Variants in ASTN2 observed in about 807,000 individuals in gnomAD.
ASTN2 encodes astrotactin 2.
In ASTN2, 54 loss-of-function variants were observed where a neutral mutation model predicts 139.8. The observed-to-expected ratio is 0.39, with a 90% CI of 0.31 to 0.48. The LOEUF (loss-of-function observed/expected upper bound fraction) is 0.48. ASTN2 is among the 20% of genes least tolerant of loss of function. The pLI is 0.95. For synonymous variants in ASTN2, 756 were observed against 719.5 expected (o/e 1.05, Z -0.81); for missense variants, 1,565 against 1,725.1 (o/e 0.91, Z 1.64).
chr9:117,070,090 G>A (rs1828072258), intron 5 of ASTN2, among the ~76,000 whole-genome samples: 1 of 147,090 alleles, frequency 6.8e-6, no homozygotes, highest in Non-Finnish European at 1.5e-5. Context: ...AGTTGATGCA[G>A]TTTCTTCCTA....
chr9:116,566,690 G>C (rs1030988536), intron 19 of ASTN2, among the ~76,000 whole-genome samples: 2 of 152,124 alleles, frequency 1.3e-5, no homozygotes, highest in Non-Finnish European at 1.5e-5. Context: ...TTTTAACCCT[G>C]CATCTGCACT....
chr9:116,708,357 T>C (rs1828049386), intron 16 of ASTN2, among the ~76,000 whole-genome samples: 1 of 152,220 alleles, frequency 6.6e-6, no homozygotes. Flanking sequence ...GTAAATACTT[T>C]TAATTCATAG....
intron 1 of ASTN2, among the ~76,000 whole-genome samples, chr9:117,413,017 A>G (rs540460104): frequency 1.3e-5 from 2 of 152,190 alleles, no homozygotes; most frequent in South Asian, 2.1e-4. Context: ...TCCCCGAGGA[A>G]CCTGCAGGAC....
At chr9:117,191,965 G>T (rs1255782382) in intron 3 of ASTN2, among the ~76,000 whole-genome samples, 1 of 152,184 alleles carries the variant, frequency 6.6e-6, no homozygotes, top group African/African-American at 2.4e-5. Flanking sequence ...GAGGGGAAGA[G>T]CAAATGTTCA....
intron 19 of ASTN2, among the ~76,000 whole-genome samples, chr9:116,535,874 C>G (rs574835661): frequency 2.0e-5 from 3 of 152,114 alleles, no homozygotes; most frequent in Non-Finnish European, 4.4e-5. Flanking sequence ...GTGGCTTTCT[C>G]TGTATTTCCT....
rs1837053314 is a variant in ASTN2, at chr9:116,997,273, A to G, written c.1591+10819T>C. On this transcript the variant is annotated intron_variant, in intron 7 of 22. Transcript: ENST00000313400. ...AGGCTCCCTGAAATTTTATGACCTC[A>G]TCCTAGACACAGATTGTCCTTTCTT... Among the ~76,000 whole-genome samples, 3 of 152,280 alleles carry G rather than the reference A, an allele frequency of 2.0e-5. No individual in the cohort carries two copies. In the East Asian group the frequency reaches 5.8e-4, roughly 29 times the overall value.
chr9:117,393,837 C>G (rs139982261), intron 1 of ASTN2, among the ~76,000 whole-genome samples: 5 of 151,808 alleles, frequency 3.3e-5, no homozygotes, highest in African/African-American at 9.7e-5. Flanking sequence ...TGGGCAGGCT[C>G]TGGTATGAAA....
chr9:116,803,504 ATATATATATATATATATATTTT>A (rs1830934642), intron 13 of ASTN2, among the ~76,000 whole-genome samples: 5 of 6,940 alleles, frequency 7.2e-4, no homozygotes, highest in African/African-American at 3.4e-3. Context: ...ATATATATAT[ATATATATATATATATATATTTT>A]TTTTTTTTTT....
chr9:117,330,893 G>A (rs528307233), intron 1 of ASTN2, among the ~76,000 whole-genome samples: 2 of 152,248 alleles, frequency 1.3e-5, no homozygotes, highest in African/African-American at 4.8e-5. Flanking sequence ...TCCATGGCTG[G>A]AATGAGGACA....
chr9:116,608,594 T>G (rs62576129), intron 19 of ASTN2, among the ~76,000 whole-genome samples: 22,187 of 150,200 alleles, frequency 0.15, 1,811 homozygotes, highest in Middle Eastern at 0.2. Context: ...TTGAACAAAA[T>G]ATTTTGAACA....
chr9:116,519,910 G>C (rs1351744590), intron 19 of ASTN2, among the ~76,000 whole-genome samples: 2 of 151,928 alleles, frequency 1.3e-5, no homozygotes, highest in Non-Finnish European at 2.9e-5. Flanking sequence ...ACCTAGAGGA[G>C]ATGGATAAAT....
At chr9:117,008,922 T>C (rs1164867458) in intron 6 of ASTN2, among the ~76,000 whole-genome samples, 1 of 152,060 alleles carries the variant, frequency 6.6e-6, no homozygotes, top group African/African-American at 2.4e-5. Flanking sequence ...CAGACTGAGA[T>C]AGAGAAAACG....
intron 7 of ASTN2, among the ~76,000 whole-genome samples, chr9:116,990,348 C>T (rs1285387111): frequency 2.5e-5 from 2 of 80,280 alleles, no homozygotes; most frequent in East Asian, 8.3e-4. Flanking sequence ...GCTCCTGCAA[C>T]CTCTGCCTCT....
intron 3 of ASTN2, among the ~76,000 whole-genome samples, chr9:117,204,815 C>G (rs10122703): frequency 1.3e-5 from 2 of 152,120 alleles, no homozygotes; most frequent in African/African-American, 4.8e-5. Flanking sequence ...GACAGCAATG[C>G]TCAATGAGTT....
At chr9:117,118,079 G>A (rs1296778027) in intron 4 of ASTN2, among the ~76,000 whole-genome samples, 4 of 152,222 alleles carry the variant, frequency 2.6e-5, no homozygotes, top group Admixed American at 6.5e-5. Flanking sequence ...GGAAAGCTCA[G>A]TAGCCGAGAC....
intron 2 of ASTN2, among the ~76,000 whole-genome samples, chr9:117,239,180 G>C (rs185232917): frequency 6.6e-6 from 1 of 152,284 alleles, no homozygotes; most frequent in East Asian, 1.9e-4. Context: ...TTGGCTGACA[G>C]CATCATCCCC....
chr9:116,702,347 T>A (rs1369228906), intron 16 of ASTN2, among the ~76,000 whole-genome samples: 1 of 152,068 alleles, frequency 6.6e-6, no homozygotes, highest in Non-Finnish European at 1.5e-5. Context: ...GCTAAACAGT[T>A]CCTTTCTTCT....
chr9:116,707,285 CAAAA>C (rs766053427), intron 16 of ASTN2, among the ~76,000 whole-genome samples: 5 of 60,628 alleles, frequency 8.2e-5, no homozygotes, highest in South Asian at 8.7e-4. Context: ...GCCCCCTGAC[CAAAA>C]AAAAAAAAAA....
chr9:116,630,772 C>G (rs1402634750), intron 17 of ASTN2, among the ~76,000 whole-genome samples: 12 of 151,986 alleles, frequency 7.9e-5, no homozygotes, highest in Non-Finnish European at 1.6e-4. Flanking sequence ...AGGGAAAAGA[C>G]AAAGTACAGA....
Sources: allele counts gnomAD v4.1 joint callset (sites outside exome capture counted in the v4.1 genomes callset), GRCh38; gene constraint gnomAD v4.1.1; transcripts MANE v1.5; gene names NCBI Gene and HGNC (gene_info 2026-07-23, HGNC 2026-07-21).